The following ERC1 variants were observed in gnomAD, a reference collection of about 807,000 sequenced individuals.
The protein encoded by ERC1 is RAB6 interacting protein 2.
Under a neutral mutation model 132.0 loss-of-function variants are expected in ERC1, and 56 were observed. The observed-to-expected ratio is 0.42, with a 90% CI of 0.34 to 0.53. The LOEUF (loss-of-function observed/expected upper bound fraction) is 0.53. Ranked by LOEUF, ERC1 falls within the 20% of genes least tolerant of loss-of-function variation. The pLI is 0.03. For missense variants in ERC1, 1,202 were observed against 1,349.9 expected (o/e 0.89, Z 1.72); for synonymous variants, 478 against 476.1 (o/e 1.00, Z -0.05).
chr12:1,288,616 G>T (rs1212774330), intron 14 of ERC1, among the ~76,000 whole-genome samples: 1 of 152,202 alleles, frequency 6.6e-6, no homozygotes, highest in Non-Finnish European at 1.5e-5. Context: ...AAGGGTCAGT[G>T]AAACAACTTT....
intron 13 of ERC1, among the ~76,000 whole-genome samples, chr12:1,261,998 G>A (rs2077173283): frequency 6.6e-6 from 1 of 152,096 alleles, no homozygotes; most frequent in African/African-American, 2.4e-5. Flanking sequence ...GATTTTTGAA[G>A]GTACAGTTGT....
chr12:1,449,831 AT>A (rs551818801), intron 18 of ERC1, among the ~76,000 whole-genome samples: 96 of 151,066 alleles, frequency 6.4e-4, no homozygotes, highest in African/African-American at 2.2e-3. Context: ...TGTTTCATCT[AT>A]TTTTTTCCTC....
chr12:1,259,740 G>T (rs1215302547), intron 13 of ERC1, among the ~76,000 whole-genome samples: 1 of 152,068 alleles, frequency 6.6e-6, no homozygotes, highest in Admixed American at 6.5e-5. Context: ...GGTCAGGCTG[G>T]TCTCAAACTC....
chr12:1,151,033 C>T (rs1293859286), intron 8 of ERC1, among the ~76,000 whole-genome samples: 1 of 152,176 alleles, frequency 6.6e-6, no homozygotes, highest in African/African-American at 2.4e-5. Context: ...CCTCTGGGTT[C>T]CCAGGAACTC....
rs1318914826 is a variant in ERC1, at chr12:1,424,836, TAGATAGATGATAGATA to T, written c.3024+16590_3024+16605del. ...ATAGATAGATAGATAGATAGATAGATAGATAGATGATAGATAGATAGATAGATCGATAGATAGATAG... is the reference window on the plus strand; with the variant it reads ...ATAGATAGATAGATAGATAGATAGATGATAGATAGATCGATAGATAGATAG... On this transcript the variant is annotated intron_variant, in intron 17 of 18. Transcript: ENST00000360905. Among the ~76,000 whole-genome samples the T allele has an allele frequency of 5.9e-3, 684 of 115,194 alleles. 12 individuals carry two copies. The highest frequency in any genetic ancestry group is 0.022 in the African/African-American group (659 of 30,608). 75.6% of individuals were successfully genotyped at this position (115,194 alleles called of 152,430 possible). A position where few individuals can be genotyped will look rare whatever the true frequency, so the allele number is the denominator to read the frequency against.
chr12:1,378,477 C>A, intron 16 of ERC1, among the ~76,000 whole-genome samples: 1 of 152,302 alleles, frequency 6.6e-6, no homozygotes, highest in Non-Finnish European at 1.5e-5. Context: ...ACGAAAAATT[C>A]TCCTAACTAG....
rs1452862042 is a variant in ERC1, at chr12:1,490,158, T to C, written c.3279T>C (p.Ile1093=). 1 of 1,614,182 alleles carries C rather than the reference T, an allele frequency of 6.2e-7. No homozygotes were observed. Among genetic ancestry groups the C allele is most frequent in the Admixed American group, 1.7e-5 (1 of 60,024 alleles). ...AACTGCAGGAGTTTGCCAACGCCAT[T>C]CTTCAGCAGATAGCAGACCATTGTC... is the stretch of plus-strand genomic sequence containing the variant. ...NAELQEFANA[I]LQQIADHCPD... The change falls in exon 19 of 19, where the codon ATT becomes ATC. Residue 1093 remains isoleucine, a synonymous_variant. Coordinates refer to ENST00000360905, the MANE Select transcript of ERC1 (RefSeq NM_178040.4).
chr12:1,299,957 T>TA (rs1444133823), intron 15 of ERC1, among the ~76,000 whole-genome samples: 1 of 152,206 alleles, frequency 6.6e-6, no homozygotes, highest in African/African-American at 2.4e-5. Context: ...CTTTATCTAT[T>TA]AAAGAAATTG....
At chr12:991,080 CCCGGGCCG>C (rs1218729014), upstream of ERC1, 2 of 151,598 alleles carry the variant, frequency 1.3e-5, no homozygotes, top group Non-Finnish European at 3.0e-5. Context: ...CCCGGAGGCC[CCCGGGCCG>C]CCGCGTCACG....
At chr12:1,035,895 C>G (rs1410473330) in intron 2 of ERC1, among the ~76,000 whole-genome samples, 1 of 151,294 alleles carries the variant, frequency 6.6e-6, no homozygotes, top group Non-Finnish European at 1.5e-5. Context: ...GCACTCCAGC[C>G]TGGGAGACAG....
intron 1 of ERC1, among the ~76,000 whole-genome samples, chr12:1,007,540 C>CTCTCTCTG (rs1555194875): frequency 1.1e-3 from 136 of 122,786 alleles, no homozygotes; most frequent in African/African-American, 4.7e-3. Context: ...CTCTCTCTCT[C>CTCTCTCTG]TGTGTGTGTG....
chr12:1,269,590 G>A (rs925407078), intron 14 of ERC1, among the ~76,000 whole-genome samples: 9 of 152,170 alleles, frequency 5.9e-5, no homozygotes, highest in Admixed American at 1.3e-4. Context: ...ATCATTCTGG[G>A]TGTTGGGTGG....
intron 15 of ERC1, among the ~76,000 whole-genome samples, chr12:1,324,569 G>A (rs1009904653): frequency 1.1e-4 from 16 of 152,258 alleles, no homozygotes; most frequent in Middle Eastern, 3.4e-3. Context: ...GGGAGCATCC[G>A]AAACAAGGCT....
chr12:1,457,337 AAAAG>A (rs1452736825), intron 18 of ERC1, among the ~76,000 whole-genome samples: 4 of 152,188 alleles, frequency 2.6e-5, no homozygotes, highest in Non-Finnish European at 5.9e-5. Flanking sequence ...CAGAAACAGA[AAAAG>A]AAATTCCTCC....
intron 16 of ERC1, among the ~76,000 whole-genome samples, chr12:1,403,451 C>G (rs970691869): frequency 1.3e-5 from 2 of 152,208 alleles, no homozygotes; most frequent in African/African-American, 4.8e-5. Context: ...TGTGTAACAT[C>G]TAATGCTCTG....
intron 16 of ERC1, among the ~76,000 whole-genome samples, chr12:1,385,161 G>C (rs1383500021): frequency 6.6e-6 from 1 of 152,212 alleles, no homozygotes; most frequent in Non-Finnish European, 1.5e-5. Context: ...GGACACAGTT[G>C]CATCATATTC....
At chr12:1,035,473 T>C (rs140669699) in intron 2 of ERC1, among the ~76,000 whole-genome samples, 3 of 152,378 alleles carry the variant, frequency 2.0e-5, no homozygotes, top group African/African-American at 7.2e-5. Context: ...GTTACTGAAC[T>C]TTCAAATACT....
At chr12:1,096,140 C>G (rs1190360711) in intron 3 of ERC1, among the ~76,000 whole-genome samples, 2 of 152,092 alleles carry the variant, frequency 1.3e-5, no homozygotes, top group Non-Finnish European at 2.9e-5. Context: ...GTTGCCCAGG[C>G]TGGTCTCGAA....
chr12:1,397,893 T>G (rs1176812534), intron 16 of ERC1, among the ~76,000 whole-genome samples: 5 of 152,234 alleles, frequency 3.3e-5, no homozygotes, highest in Non-Finnish European at 7.3e-5. Context: ...ATTAAATTGT[T>G]GACATTCACA....
Sources: gnomAD v4.1 joint callset for allele counts (sites outside exome capture counted in the v4.1 genomes callset) on GRCh38, gnomAD v4.1.1 for gene constraint, MANE v1.5 for transcripts, NCBI Gene and HGNC (gene_info 2026-07-23, HGNC 2026-07-21) for gene names.